Variants in PTPN13 observed in about 807,000 individuals in gnomAD.
PTPN13 encodes tyrosine-protein phosphatase non-receptor type 13.
PTPN13 carries 191 observed loss-of-function variants against 284.0 expected under a neutral mutation model. The observed-to-expected ratio is 0.67, with a 90% CI of 0.60 to 0.76. PTPN13 has a LOEUF of 0.76. PTPN13 is among the 30% of genes least tolerant of loss of function. The pLI, the probability that PTPN13 is intolerant of heterozygous loss-of-function variation, is 0.00. For missense variants in PTPN13, 2,797 were observed against 2,939.9 expected (o/e 0.95, Z 1.12); for synonymous variants, 986 against 1,022.3 (o/e 0.96, Z 0.68).
rs753128949 is a variant in PTPN13, at chr4:86,671,000, T to C, written c.116-1365T>C. Among the ~76,000 whole-genome samples, 63 of 152,334 alleles carry C rather than the reference T, an allele frequency of 4.1e-4. 1 individual carries two copies. The highest frequency in any genetic ancestry group is 7.5e-4 in the Non-Finnish European group (51 of 68,020). ...TGATTGGTTAAGGCTTTGAGGACCA[T>C]TGGTCTATAACACCACTTCAGTGCA... On this transcript the variant is annotated intron_variant, in intron 2 of 47. Transcript: ENST00000411767.
At chr4:86,734,231 A>G in intron 12 of PTPN13, 72 bp from the exon 13 acceptor site, 2 of 1,223,620 alleles carry the variant, frequency 1.6e-6, no homozygotes, top group Non-Finnish European at 2.2e-6. Flanking sequence ...TCTGACCAAA[A>G]AGTGAAGAAA....
At chr4:86,656,045 G>T (rs935884007) in intron 2 of PTPN13, among the ~76,000 whole-genome samples, 5 of 152,184 alleles carry the variant, frequency 3.3e-5, no homozygotes, top group African/African-American at 1.2e-4. Context: ...GGCTACTGAA[G>T]CTTGTGCATG....
intron 45 of PTPN13, 45 bp from the exon 46 acceptor site, chr4:86,809,724 C>T (rs749558957): frequency 6.6e-7 from 1 of 1,517,852 alleles, no homozygotes; most frequent in South Asian, 1.1e-5. Flanking sequence ...TGTATGTGAA[C>T]AATATAACAT....
intron 44 of PTPN13, 125 bp downstream of exon 44, chr4:86,805,494 A>G (rs898522149): frequency 2.0e-6 from 1 of 491,130 alleles, no homozygotes; most frequent in East Asian, 3.3e-5. Context: ...TCACAGATTT[A>G]TATCAGTAAC....
chr4:86,784,400 C>A, intron 37 of PTPN13, 65 bp from the exon 38 acceptor site: 1 of 1,005,648 alleles, frequency 9.9e-7, no homozygotes, highest in Non-Finnish European at 1.5e-6. Flanking sequence ...AGACAATGTG[C>A]AGTCCCCCGA....
intron 1 of PTPN13, 57 bp from the exon 2 acceptor site, chr4:86,635,195 A>G: frequency 6.5e-7 from 1 of 1,537,672 alleles, no homozygotes; most frequent in South Asian, 1.2e-5. Flanking sequence ...AGCTTTTACT[A>G]CTGCAAGTAT....
intron 23 of PTPN13, among the ~76,000 whole-genome samples, chr4:86,760,889 T>G (rs1204120934): frequency 6.6e-6 from 1 of 151,990 alleles, no homozygotes; most frequent in African/African-American, 2.4e-5. Context: ...CTTAGAAAAT[T>G]ACCAATGTGT....
intron 17 of PTPN13, 26 bp from the exon 18 acceptor site, chr4:86,750,444 T>C (rs1175722427): frequency 6.3e-7 from 1 of 1,578,234 alleles, no homozygotes; most frequent in Non-Finnish European, 8.6e-7. Context: ...GTTACCATCA[T>C]GTAAAGCAAT....
In PTPN13 at chr4:86,763,044, A is replaced by G. The variant is rs867104658; in HGVS notation, c.3871A>G (p.Thr1291Ala). The change falls in exon 24 of 48, where the codon ACC becomes GCC. Residue 1291 changes from threonine to alanine, a missense_variant. Physicochemically the swap from Thr to Ala is moderately conservative, Grantham distance 58. Coordinates refer to ENST00000411767, the MANE Select transcript of PTPN13 (RefSeq NM_080683.3). ...TTCCCCATCTGTAATATCCAAAGCC[A>G]CCGAGAAAGAGACTTTCACTGATAG... ...SPSPSVISKA[T>A]EKETFTDSNQ... The G allele has an allele frequency of 6.2e-7, 1 of 1,613,880 alleles. No homozygotes were observed. Among genetic ancestry groups the G allele is most frequent in the Non-Finnish European group, 8.5e-7 (1 of 1,179,870 alleles).
At chr4:86,688,255 C>T (rs1453001793) in intron 4 of PTPN13, among the ~76,000 whole-genome samples, 2 of 152,082 alleles carry the variant, frequency 1.3e-5, no homozygotes, top group East Asian at 3.8e-4. Flanking sequence ...AGTGGATATA[C>T]CAGTTTAAAC....
At chr4:86,655,618 G>T (rs1186789778) in intron 2 of PTPN13, among the ~76,000 whole-genome samples, 1 of 152,200 alleles carries the variant, frequency 6.6e-6, no homozygotes, top group African/African-American at 2.4e-5. Flanking sequence ...TCAGCTGTTA[G>T]TCTGATGGGC....
At chr4:86,656,198 T>TAAAGGAGGA (rs1725783606) in intron 2 of PTPN13, among the ~76,000 whole-genome samples, 1 of 152,202 alleles carries the variant, frequency 6.6e-6, no homozygotes, top group South Asian at 2.1e-4. Context: ...CTTCCTCCTT[T>TAAAGGAGGA]AGCTCAGAGA....
chr4:86,643,076 A>T (rs150027611), intron 2 of PTPN13, among the ~76,000 whole-genome samples: 8 of 152,314 alleles, frequency 5.3e-5, no homozygotes, highest in African/African-American at 1.9e-4. Context: ...TCAGAGGAAG[A>T]GACTCAATTT....
At position 86,784,558 on chromosome 4, in the gene PTPN13, G is replaced by A. The variant is rs1741688253; in HGVS notation, c.6118G>A (p.Glu2040Lys). Residue 2040 changes from glutamate (E) to lysine (K), a missense_variant and splice_region_variant, in exon 38 of 48, where the codon GAA (glutamate) becomes AAA (lysine). By Grantham distance (56) the Glu-to-Lys change is moderately conservative. Transcript: ENST00000411767. ...KGSPNLTLPK[E>K]SYIQEDDIYD... ...ATCACCAAACTTGACTCTGCCCAAA[G>A]GTAGTTTTCCAAATCAGTCATCTAA... 1.3e-6 allele frequency: 2 copies of A among 1,596,082 alleles called. No homozygotes were observed. The highest frequency in any genetic ancestry group is 8.5e-7 in the Non-Finnish European group (1 of 1,171,284).
At chr4:86,753,128 T>C in intron 20 of PTPN13, 63 bp downstream of exon 20, 2 of 1,297,824 alleles carry the variant, frequency 1.5e-6, no homozygotes, top group Middle Eastern at 1.9e-4. Flanking sequence ...TGAGATAGTC[T>C]TGGACCTAAC....
At chr4:86,694,764 T>C (rs567627489) in intron 6 of PTPN13, among the ~76,000 whole-genome samples, 43 of 152,262 alleles carry the variant, frequency 2.8e-4, no homozygotes, top group Middle Eastern at 6.8e-3. Context: ...AGAATCATGA[T>C]AATCTAAACA....
At chr4:86,645,589 G>T (rs1225321084) in intron 2 of PTPN13, among the ~76,000 whole-genome samples, 1 of 151,948 alleles carries the variant, frequency 6.6e-6, no homozygotes, top group African/African-American at 2.4e-5. Flanking sequence ...GTAAAATATG[G>T]AATACAAAAT....
intron 36 of PTPN13, among the ~76,000 whole-genome samples, chr4:86,781,851 T>C (rs890167085): frequency 1.3e-5 from 2 of 151,392 alleles, no homozygotes; most frequent in Non-Finnish European, 1.5e-5. Flanking sequence ...TAATCCCAGA[T>C]ACTTGGGAGG....
In PTPN13 at chr4:86,717,120, A is replaced by G. The variant is rs1262953689; in HGVS notation, c.1385+3A>G. 1.9e-6 allele frequency: 3 copies of G among 1,598,210 alleles called. No individual in the cohort carries two copies. Among genetic ancestry groups the G allele is most frequent in the Non-Finnish European group, 2.6e-6 (3 of 1,168,232 alleles). ...CAAGGCCAGTCACAGAGACCGAGGT[A>G]TGTCATGAAAAAGTAGTGATGATAC... On this transcript the variant is annotated splice_donor_region_variant and intron_variant, in intron 9 of 47. Coordinates refer to ENST00000411767, the MANE Select transcript of PTPN13 (RefSeq NM_080683.3).
Sources: allele counts gnomAD v4.1 joint callset (sites outside exome capture counted in the v4.1 genomes callset), GRCh38; gene constraint gnomAD v4.1.1; transcripts MANE v1.5; gene names NCBI Gene and HGNC (gene_info 2026-07-23, HGNC 2026-07-21).